Variants in PDE1A observed in about 807,000 individuals in gnomAD.
PDE1A encodes phosphodiesterase 1A.
Under a neutral mutation model 61.7 loss-of-function variants are expected in PDE1A, and 35 were observed. That is an observed-to-expected ratio of 0.57 (90% confidence interval 0.43 to 0.75). The LOEUF (loss-of-function observed/expected upper bound fraction) is 0.75, where lower values mean the gene tolerates loss of function less well. Among genes scored for constraint, PDE1A ranks in the 30% least tolerant of loss-of-function variants. The probability of loss-of-function intolerance (pLI) is 0.00; values close to 1 mark genes in which losing one functional copy is unlikely to be tolerated. For synonymous variants in PDE1A, 232 were observed against 213.2 expected, an observed-to-expected ratio of 1.09 and a Z score of -0.77; for missense variants, 597 against 630.6, an observed-to-expected ratio of 0.95 and a Z score of 0.57.
At chr2:182,706,408 G>A in the PDE1A span, among the ~76,000 whole-genome samples, 1 of 152,112 alleles carries the variant, frequency 6.6e-6, no homozygotes, top group African/African-American at 2.4e-5. Flanking sequence ...CAATGTTGAG[G>A]AGGAAAATGC....
intron 13 of PDE1A, among the ~76,000 whole-genome samples, chr2:182,182,749 G>A (rs1055013714): frequency 1.3e-5 from 2 of 151,064 alleles, no homozygotes; most frequent in Non-Finnish European, 2.9e-5. Flanking sequence ...AGGCAAGCTT[G>A]GCCTCCTAGA....
chr2:182,664,890 G>A, the PDE1A span, among the ~76,000 whole-genome samples: 6 of 151,906 alleles, frequency 3.9e-5, no homozygotes, highest in Non-Finnish European at 5.9e-5. Flanking sequence ...TTTCATTCTC[G>A]GGCTTAAAAC....
At chr2:182,649,312 T>C in the PDE1A span, among the ~76,000 whole-genome samples, 4 of 152,214 alleles carry the variant, frequency 2.6e-5, no homozygotes, top group Middle Eastern at 3.4e-3. Flanking sequence ...AAAAGCAACA[T>C]GAGCTATTCC....
intron 11 of PDE1A, 40 bp from the exon 12 acceptor site, chr2:182,186,628 AGT>A: frequency 6.4e-7 from 1 of 1,560,056 alleles, no homozygotes; most frequent in South Asian, 1.2e-5. Context: ...GATAAATTCA[AGT>A]GTTACAATTT....
exon 15 of PDE1A, chr2:182,141,977 C>A (rs1690246706): frequency 6.6e-6 from 1 of 152,202 alleles, no homozygotes; most frequent in Admixed American, 6.5e-5. Context: ...AAAGGAAAGA[C>A]TTTGCACATG....
intron 1 of PDE1A, among the ~76,000 whole-genome samples, chr2:182,310,588 C>T (rs751387264): frequency 2.0e-5 from 3 of 152,044 alleles, no homozygotes; most frequent in South Asian, 2.1e-4. Flanking sequence ...TCCTAGTAAA[C>T]GAGATGTATT....
rs562822681 is a variant in PDE1A, at chr2:182,156,352, C to CT, written c.1517-9201dup. 1.5e-3 allele frequency among the ~76,000 whole-genome samples: 217 copies of CT among 146,042 alleles called. 1 individual carries two copies. Among genetic ancestry groups the CT allele is most frequent in the African/African-American group, 3.6e-3 (144 of 40,098 alleles). ...ATTTTATCATCTTATCCTTTCAACA[C>CT]TTTTTTTTTTTTACCCAAGGTCATA... On this transcript the variant is annotated intron_variant, in intron 13 of 13. Coordinates refer to the PDE1A transcript ENST00000409365.
intron 1 of PDE1A, among the ~76,000 whole-genome samples, chr2:182,307,420 T>C (rs912818199): frequency 6.6e-6 from 1 of 152,164 alleles, no homozygotes; most frequent in Admixed American, 6.5e-5. Flanking sequence ...TGTCACCCTC[T>C]CTTGCCCTTC....
At chr2:182,535,069 A>G in the PDE1A span, among the ~76,000 whole-genome samples, 1 of 41,592 alleles carries the variant, frequency 2.4e-5, no homozygotes, top group Non-Finnish European at 4.9e-5. Flanking sequence ...GGCCCTTATC[A>G]AAAGTATTTT....
At chr2:182,332,638 C>G (rs1037885080) in intron 1 of PDE1A, among the ~76,000 whole-genome samples, 3 of 152,146 alleles carry the variant, frequency 2.0e-5, no homozygotes, top group Non-Finnish European at 2.9e-5. Context: ...TGGGGAGCCA[C>G]TCCAGACCCT....
the PDE1A span, among the ~76,000 whole-genome samples, chr2:182,633,955 G>A: frequency 1.3e-5 from 2 of 152,074 alleles, no homozygotes; most frequent in Non-Finnish European, 2.9e-5. Context: ...CAGGAGTGGT[G>A]GTGTGCGCCT....
chr2:182,519,917 A>G (rs13020976), intron 2 of PDE1A, among the ~76,000 whole-genome samples: 64,711 of 151,638 alleles, frequency 0.43, 14,057 homozygotes, highest in Middle Eastern at 0.54. Flanking sequence ...CAATATATTT[A>G]TAAAGTACAA....
chr2:182,524,656 G>A (rs2125995400), upstream of PDE1A, among the ~76,000 whole-genome samples: 1 of 152,048 alleles, frequency 6.6e-6, no homozygotes, highest in Non-Finnish European at 1.5e-5. Context: ...CCTTGACCAA[G>A]ATAATCTTCA....
chr2:182,437,120 A>G (rs1200016646), intron 2 of PDE1A, among the ~76,000 whole-genome samples: 1 of 151,970 alleles, frequency 6.6e-6, no homozygotes, highest in Non-Finnish European at 1.5e-5. Flanking sequence ...TGGATGCTTT[A>G]AAGTTTAAAT....
chr2:182,322,887 A>C (rs1044034324), intron 1 of PDE1A, among the ~76,000 whole-genome samples: 16 of 152,234 alleles, frequency 1.1e-4, no homozygotes, highest in Non-Finnish European at 2.4e-4. Flanking sequence ...GTAGACCCAG[A>C]AATAAAATCA....
the PDE1A span, among the ~76,000 whole-genome samples, chr2:182,624,675 C>T: frequency 6.6e-6 from 1 of 152,106 alleles, no homozygotes; most frequent in East Asian, 1.9e-4. Context: ...GCCTGTCAGT[C>T]CCCTTCTTGA....
At chr2:182,491,864 T>C (rs1688416093) in intron 2 of PDE1A, among the ~76,000 whole-genome samples, 1 of 152,208 alleles carries the variant, frequency 6.6e-6, no homozygotes, top group African/African-American at 2.4e-5. Flanking sequence ...CTTATTTCTC[T>C]ATGCACTTGC....
the PDE1A span, among the ~76,000 whole-genome samples, chr2:182,582,748 T>C: frequency 6.6e-6 from 1 of 152,174 alleles, no homozygotes; most frequent in Non-Finnish European, 1.5e-5. Context: ...GACCCAGTTA[T>C]AAGAAACTTA....
chr2:182,274,404 T>C (rs536293741), intron 1 of PDE1A, among the ~76,000 whole-genome samples: 1 of 152,050 alleles, frequency 6.6e-6, no homozygotes, highest in Non-Finnish European at 1.5e-5. Flanking sequence ...CCAATTACAA[T>C]AGATCACACA....
Sources: allele counts gnomAD v4.1 joint callset (sites outside exome capture counted in the v4.1 genomes callset), GRCh38; gene constraint gnomAD v4.1.1; transcripts MANE v1.5; gene names NCBI Gene and HGNC (gene_info 2026-07-23, HGNC 2026-07-21).